Variants in HHAT observed in about 807,000 individuals in gnomAD.
HHAT encodes hedgehog acyltransferase, also known as protein-cysteine N-palmitoyltransferase HHAT.
A neutral mutation model predicts 70.8 loss-of-function variants in HHAT; 47 were observed. That is an observed-to-expected ratio of 0.66 (90% confidence interval 0.53 to 0.85). The LOEUF (loss-of-function observed/expected upper bound fraction) is 0.85. Among genes scored for constraint, HHAT ranks in the 40% least tolerant of loss-of-function variants. The pLI, the probability that HHAT is intolerant of heterozygous loss-of-function variation, is 0.00. For synonymous variants in HHAT, 228 were observed against 247.6 expected (o/e 0.92, Z 0.74); for missense variants, 609 against 604.8 (o/e 1.01, Z -0.07).
At chr1:210,648,090 A>G (rs1364607675) in intron 11 of HHAT, among the ~76,000 whole-genome samples, 1 of 152,172 alleles carries the variant, frequency 6.6e-6, no homozygotes, top group Non-Finnish European at 1.5e-5. Context: ...AGGAAGTTCA[A>G]ACCAAACAAA....
intron 9 of HHAT, among the ~76,000 whole-genome samples, chr1:210,587,147 C>T (rs891340979): frequency 2.0e-5 from 3 of 152,224 alleles, no homozygotes; most frequent in African/African-American, 7.2e-5. Context: ...GTAAAATCCA[C>T]ACTTGCTGTA....
chr1:210,459,478 C>T (rs1319326406), intron 7 of HHAT, among the ~76,000 whole-genome samples: 1 of 152,126 alleles, frequency 6.6e-6, no homozygotes, highest in Non-Finnish European at 1.5e-5. Flanking sequence ...TTAAGCTGTA[C>T]ACACATGTGT....
At chr1:210,613,635 T>C (rs1667038810) in intron 10 of HHAT, among the ~76,000 whole-genome samples, 1 of 152,022 alleles carries the variant, frequency 6.6e-6, no homozygotes, top group African/African-American at 2.4e-5. Context: ...TAGGGTGGGG[T>C]TTTCTATTTT....
intron 6 of HHAT, among the ~76,000 whole-genome samples, chr1:210,416,030 G>A (rs1384264308): frequency 6.6e-6 from 1 of 152,178 alleles, no homozygotes; most frequent in African/African-American, 2.4e-5. Context: ...GCAAAAGGGA[G>A]AAAGCTGTTT....
chr1:210,494,317 C>G (rs55780618), intron 8 of HHAT, among the ~76,000 whole-genome samples: 18,137 of 151,982 alleles, frequency 0.12, 1,407 homozygotes, highest in South Asian at 0.24. Context: ...TTTTAGGAGG[C>G]TATTGAAGTG....
chr1:210,595,820 T>A (rs1190075896), intron 10 of HHAT, among the ~76,000 whole-genome samples: 2 of 152,188 alleles, frequency 1.3e-5, no homozygotes, highest in Non-Finnish European at 2.9e-5. Flanking sequence ...GTTGTTTGTT[T>A]TTTTTTCTTG....
chr1:210,348,176 T>G (rs1313138794), intron 1 of HHAT, among the ~76,000 whole-genome samples: 2 of 151,870 alleles, frequency 1.3e-5, no homozygotes, highest in Non-Finnish European at 2.9e-5. Flanking sequence ...GGCCAGGAAA[T>G]CAAGATCAGC....
At chr1:210,508,201 A>AG (rs2094895768) in intron 8 of HHAT, among the ~76,000 whole-genome samples, 1 of 149,676 alleles carries the variant, frequency 6.7e-6, no homozygotes. Flanking sequence ...TCCTTCTCAA[A>AG]AAAAAAAAAA....
chr1:210,644,177 G>T (rs369121906), intron 11 of HHAT, among the ~76,000 whole-genome samples: 2 of 152,198 alleles, frequency 1.3e-5, no homozygotes, highest in South Asian at 4.1e-4. Context: ...ATACAACCAG[G>T]ACTAGAGGCC....
chr1:210,563,197 G>A (rs958404510), intron 9 of HHAT, among the ~76,000 whole-genome samples: 5 of 152,184 alleles, frequency 3.3e-5, no homozygotes, highest in Non-Finnish European at 7.3e-5. Flanking sequence ...AGGGTACTGG[G>A]CATGTGGGAT....
At chr1:210,433,832 T>C (rs2093313212) in intron 7 of HHAT, among the ~76,000 whole-genome samples, 1 of 151,980 alleles carries the variant, frequency 6.6e-6, no homozygotes, top group East Asian at 1.9e-4. Context: ...GGCTCTCAGG[T>C]GGAGGCCAGG....
intron 9 of HHAT, among the ~76,000 whole-genome samples, chr1:210,575,576 A>C (rs1167746401): frequency 6.6e-6 from 1 of 152,160 alleles, no homozygotes; most frequent in African/African-American, 2.4e-5. Context: ...AGGGAGGGAA[A>C]CAGTATATAC....
At chr1:210,402,409 T>A (rs1221952987) in intron 5 of HHAT, among the ~76,000 whole-genome samples, 1 of 152,214 alleles carries the variant, frequency 6.6e-6, no homozygotes, top group African/African-American at 2.4e-5. Flanking sequence ...GCCAATCTGC[T>A]TACCTTTCCC....
At chr1:210,574,083 G>T (rs139279606) in intron 9 of HHAT, among the ~76,000 whole-genome samples, 126 of 152,344 alleles carry the variant, frequency 8.3e-4, no homozygotes, top group African/African-American at 3.0e-3. Flanking sequence ...CCTGCATGCT[G>T]TCAGGCCTGG....
chr1:210,616,090 A>G (rs1667670399), intron 10 of HHAT, among the ~76,000 whole-genome samples: 3 of 152,160 alleles, frequency 2.0e-5, no homozygotes, highest in Non-Finnish European at 2.9e-5. Flanking sequence ...TGACACACAA[A>G]GATGTATTGG....
intron 10 of HHAT, among the ~76,000 whole-genome samples, chr1:210,601,247 C>T (rs958588523): frequency 6.6e-6 from 1 of 152,030 alleles, no homozygotes; most frequent in African/African-American, 2.4e-5. Context: ...CAACGTGATC[C>T]AAACTATGGT....
intron 7 of HHAT, among the ~76,000 whole-genome samples, chr1:210,456,179 C>G (rs1356459005): frequency 2.0e-5 from 3 of 152,224 alleles, no homozygotes; most frequent in Admixed American, 2.0e-4. Context: ...AAGTTTATAG[C>G]CCCAAATCAC....
At chr1:210,608,529 G>A (rs1018575178) in intron 10 of HHAT, among the ~76,000 whole-genome samples, 1 of 151,848 alleles carries the variant, frequency 6.6e-6, no homozygotes, top group African/African-American at 2.4e-5. Flanking sequence ...AATTGCATTG[G>A]CTAGTTTTGC....
intron 8 of HHAT, among the ~76,000 whole-genome samples, chr1:210,486,687 C>T (rs1236308732): frequency 6.6e-6 from 1 of 152,078 alleles, no homozygotes; most frequent in African/African-American, 2.4e-5. Flanking sequence ...AGTTCATGTC[C>T]AATAGTACCT....
Sources: allele counts gnomAD v4.1 joint callset (sites outside exome capture counted in the v4.1 genomes callset), GRCh38; gene constraint gnomAD v4.1.1; transcripts MANE v1.5; gene names NCBI Gene and HGNC (gene_info 2026-07-23, HGNC 2026-07-21).